KIAA1549L: variants seen among roughly 807,000 people sequenced by gnomAD.
KIAA1549L encodes UPF0606 protein KIAA1549L.
Under a neutral mutation model 160.7 loss-of-function variants are expected in KIAA1549L, and 88 were observed. The observed-to-expected ratio is 0.55, with a 90% CI of 0.46 to 0.65. The LOEUF (loss-of-function observed/expected upper bound fraction) is 0.65, where lower values mean the gene tolerates loss of function less well. KIAA1549L is among the 30% of genes least tolerant of loss of function. KIAA1549L has a pLI of 0.00. For missense variants in KIAA1549L, 2,258 were observed against 2,437.5 expected, an observed-to-expected ratio of 0.93 and a Z score of 1.55; for synonymous variants, 950 against 976.7, an observed-to-expected ratio of 0.97 and a Z score of 0.51.
At chr11:33,639,333 A>T (rs530169784) in intron 16 of KIAA1549L, among the ~76,000 whole-genome samples, 1 of 152,134 alleles carries the variant, frequency 6.6e-6, no homozygotes, top group Non-Finnish European at 1.5e-5. Context: ...CCTCTATCCA[A>T]TGGCCACCAT....
At chr11:33,639,509 A>G (rs1851530701) in intron 16 of KIAA1549L, among the ~76,000 whole-genome samples, 1 of 152,130 alleles carries the variant, frequency 6.6e-6, no homozygotes, top group Non-Finnish European at 1.5e-5. Context: ...TAACCTAAGG[A>G]TAAACTCATG....
At chr11:33,541,404 A>T (rs1854017244) in intron 1 of KIAA1549L, among the ~76,000 whole-genome samples, 1 of 152,232 alleles carries the variant, frequency 6.6e-6, no homozygotes, top group East Asian at 1.9e-4. Flanking sequence ...TCGTGCTTGA[A>T]TACACAGTTC....
At chr11:33,490,229 G>T (rs1852625345) in intron 1 of KIAA1549L, among the ~76,000 whole-genome samples, 1 of 152,120 alleles carries the variant, frequency 6.6e-6, no homozygotes, top group African/African-American at 2.4e-5. Context: ...TGAGAACACT[G>T]GGGAGAACAG....
chr11:33,438,636 G>C (rs2132939402), intron 1 of KIAA1549L, among the ~76,000 whole-genome samples: 1 of 152,342 alleles, frequency 6.6e-6, no homozygotes, highest in Admixed American at 6.5e-5. Flanking sequence ...TCATTAAAGA[G>C]GAACCTGTGA....
At position 33,629,041 on chromosome 11, in the gene KIAA1549L, A is replaced by T. The variant is rs541321919; in HGVS notation, c.5409+10379A>T. The stretch of plus-strand genomic sequence containing the variant: ...AAAGTATTTTATTTCTCCTTCACTT[A>T]CGAAGCTTAGTTTGGCTGGATATGA... On this transcript the variant is annotated intron_variant, in intron 16 of 20. Coordinates refer to ENST00000658780, the MANE Select transcript of KIAA1549L (RefSeq NM_012194.3). Among the ~76,000 whole-genome samples the T allele has an allele frequency of 9.2e-3, 1,344 of 145,574 alleles. 12 individuals are homozygous for T. The highest frequency in any genetic ancestry group is 0.012 in the Non-Finnish European group (790 of 67,486).
At chr11:33,473,431 G>A (rs1217793066) in intron 1 of KIAA1549L, among the ~76,000 whole-genome samples, 1 of 152,214 alleles carries the variant, frequency 6.6e-6, no homozygotes. Flanking sequence ...CTTAGAGGTT[G>A]CATAGGAGTT....
intron 1 of KIAA1549L, among the ~76,000 whole-genome samples, chr11:33,380,957 A>G (rs1488531528): frequency 6.6e-6 from 1 of 151,896 alleles, no homozygotes. Flanking sequence ...GAATGCCTCA[A>G]TATTCTGAGG....
intron 1 of KIAA1549L, among the ~76,000 whole-genome samples, chr11:33,497,882 T>C (rs149884639): frequency 8.1e-4 from 124 of 152,358 alleles, no homozygotes; most frequent in African/African-American, 2.9e-3. Context: ...TGGTGTTTAT[T>C]TGAGCTACGG....
At chr11:33,420,106 T>G (rs1054926964) in intron 1 of KIAA1549L, among the ~76,000 whole-genome samples, 2 of 152,124 alleles carry the variant, frequency 1.3e-5, no homozygotes, top group African/African-American at 4.8e-5. Context: ...CTATTTGTGG[T>G]AAATATCCCC....
intron 13 of KIAA1549L, among the ~76,000 whole-genome samples, chr11:33,603,869 G>T (rs768423692): frequency 6.6e-6 from 1 of 151,744 alleles, no homozygotes; most frequent in Admixed American, 6.6e-5. Flanking sequence ...AGGGGAGAGG[G>T]ACTAAATGAG....
intron 15 of KIAA1549L, among the ~76,000 whole-genome samples, chr11:33,616,120 G>A (rs1156337497): frequency 6.6e-6 from 1 of 152,164 alleles, no homozygotes; most frequent in Non-Finnish European, 1.5e-5. Context: ...AATAAAAGGG[G>A]AATATATTAT....
chr11:33,661,143 T>G, intron 20 of KIAA1549L, 129 bp downstream of exon 20: 1 of 940,096 alleles, frequency 1.1e-6, no homozygotes, highest in South Asian at 1.8e-5. Flanking sequence ...ATGACTAAAG[T>G]CAGCCATTTT....
chr11:33,397,672 A>G (rs1051874723), intron 1 of KIAA1549L, among the ~76,000 whole-genome samples: 12 of 151,110 alleles, frequency 7.9e-5, no homozygotes, highest in South Asian at 2.1e-4. Context: ...AGATCGCGCC[A>G]CTGCACTCCA....
At chr11:33,640,923 A>G (rs1851564570) in intron 16 of KIAA1549L, among the ~76,000 whole-genome samples, 1 of 152,250 alleles carries the variant, frequency 6.6e-6, no homozygotes. Flanking sequence ...TTAAAAATAC[A>G]TTCTGTGTCC....
chr11:33,495,011 G>A (rs999544880), intron 1 of KIAA1549L, among the ~76,000 whole-genome samples: 2 of 152,156 alleles, frequency 1.3e-5, no homozygotes, highest in Admixed American at 6.5e-5. Context: ...ATTCACACAC[G>A]TCTAGGCCTT....
At chr11:33,557,466 G>A (rs1854688325) in intron 6 of KIAA1549L, among the ~76,000 whole-genome samples, 1 of 152,062 alleles carries the variant, frequency 6.6e-6, no homozygotes, top group African/African-American at 2.4e-5. Context: ...CTTAGCCACA[G>A]GTATTCATGC....
intron 1 of KIAA1549L, among the ~76,000 whole-genome samples, chr11:33,452,563 G>A (rs1311381317): frequency 2.6e-5 from 4 of 152,146 alleles, no homozygotes; most frequent in South Asian, 2.1e-4. Context: ...AGCCAAGATC[G>A]CACCACTGCA....
At chr11:33,632,287 G>T (rs1351630679) in intron 16 of KIAA1549L, among the ~76,000 whole-genome samples, 1 of 152,190 alleles carries the variant, frequency 6.6e-6, no homozygotes, top group Non-Finnish European at 1.5e-5. Flanking sequence ...TCTACATCCT[G>T]TATGGACCAG....
chr11:33,479,217 G>C (rs901206718), intron 1 of KIAA1549L, among the ~76,000 whole-genome samples: 6 of 152,228 alleles, frequency 3.9e-5, no homozygotes, highest in Admixed American at 3.9e-4. Flanking sequence ...GGGTTCCTGG[G>C]CTAGGTGCCT....
Sources: gnomAD v4.1 joint callset for allele counts (sites outside exome capture counted in the v4.1 genomes callset) on GRCh38, gnomAD v4.1.1 for gene constraint, MANE v1.5 for transcripts, NCBI Gene and HGNC (gene_info 2026-07-23, HGNC 2026-07-21) for gene names.